SLC9A9: variants seen among roughly 807,000 people sequenced by gnomAD.
SLC9A9 encodes sodium/hydrogen exchanger 9.
A neutral mutation model predicts 77.8 loss-of-function variants in SLC9A9; 62 were observed. That is an observed-to-expected ratio of 0.80 (90% CI 0.65 to 0.98). The LOEUF is 0.98. Ranked by LOEUF, SLC9A9 falls within the 50% of genes least tolerant of loss-of-function variation. The pLI is 0.00. For missense variants in SLC9A9, 775 were observed against 774.9 expected, an observed-to-expected ratio of 1.00 and a Z score of 0.00; for synonymous variants, 320 against 283.5, an observed-to-expected ratio of 1.13 and a Z score of -1.29.
chr3:143,739,755 A>G (rs1306605135), intron 4 of SLC9A9, among the ~76,000 whole-genome samples: 1 of 152,192 alleles, frequency 6.6e-6, no homozygotes, highest in Non-Finnish European at 1.5e-5. Flanking sequence ...CTGAACAACT[A>G]GACCAGTGGT....
intron 12 of SLC9A9, among the ~76,000 whole-genome samples, chr3:143,399,306 A>G (rs988463158): frequency 6.6e-6 from 1 of 152,160 alleles, no homozygotes; most frequent in Non-Finnish European, 1.5e-5. Context: ...CTAGAAAAAT[A>G]ATGTTTTTCT....
intron 7 of SLC9A9, among the ~76,000 whole-genome samples, chr3:143,575,890 C>A (rs2037349861): frequency 6.6e-6 from 1 of 152,072 alleles, no homozygotes; most frequent in African/African-American, 2.4e-5. Context: ...GCATTTATCT[C>A]CTTCATAGCC....
chr3:143,424,329 C>T (rs1307321958), intron 12 of SLC9A9, among the ~76,000 whole-genome samples: 3 of 151,418 alleles, frequency 2.0e-5, no homozygotes, highest in South Asian at 2.1e-4. Context: ...TGCAGTAGCA[C>T]GATCTCAGCT....
chr3:143,672,075 G>A (rs921425583), intron 5 of SLC9A9, among the ~76,000 whole-genome samples: 8 of 152,090 alleles, frequency 5.3e-5, no homozygotes, highest in African/African-American at 1.9e-4. Context: ...TTTATAATAT[G>A]GCATAAAACC....
chr3:143,410,534 C>T (rs986462492), intron 12 of SLC9A9, among the ~76,000 whole-genome samples: 1 of 152,210 alleles, frequency 6.6e-6, no homozygotes, highest in Non-Finnish European at 1.5e-5. Context: ...GATCATTTCA[C>T]TTCCAAAACA....
chr3:143,844,709 TTCTCTTTCTTTCTTTCTTTCTTTC>T (rs2009784948), intron 1 of SLC9A9, among the ~76,000 whole-genome samples: 1 of 148,950 alleles, frequency 6.7e-6, no homozygotes, highest in African/African-American at 2.5e-5. Context: ...TTAACTTTCT[TTCTCTTTCTTTCTTTCTTTCTTTC>T]TTTCTTTCTT....
Position 143,449,561 on chromosome 3 carries a change from AATATAATTATAATT to A in SLC9A9, c.1469+17462_1469+17475del, listed in dbSNP as rs1361850479. 9.3e-4 allele frequency among the ~76,000 whole-genome samples: 36 copies of A among 38,544 alleles called. 5 individuals are homozygous for A. Among genetic ancestry groups the A allele is most frequent in the Admixed American group, 1.6e-3 (3 of 1,904 alleles). 25.3% of individuals were successfully genotyped at this position (38,544 alleles called of 152,430 possible). ...ATAATTATATAAAATAATTATATAAAATATAATTATAATTATATAATTATATAAAATATAATTAT... is the reference window on the plus strand; with the variant it reads ...ATAATTATATAAAATAATTATATAAAATATAATTATATAAAATATAATTAT... On this transcript the variant is annotated intron_variant, in intron 12 of 15. Transcript: ENST00000316549.
chr3:143,717,850 C>T (rs187906456), intron 4 of SLC9A9, among the ~76,000 whole-genome samples: 5,214 of 152,136 alleles, frequency 0.034, 290 homozygotes, highest in African/African-American at 0.12. Flanking sequence ...CAAGTCCATA[C>T]ACACAAAAAA....
chr3:143,495,185 T>C, intron 10 of SLC9A9, 150 bp downstream of exon 10: 1 of 630,446 alleles, frequency 1.6e-6, no homozygotes, highest in Non-Finnish European at 2.8e-6. Flanking sequence ...GATGTTTTCC[T>C]CCCCTAACTA....
chr3:143,582,269 T>G (rs34973048), intron 6 of SLC9A9, among the ~76,000 whole-genome samples: 71,545 of 152,056 alleles, frequency 0.47, 18,203 homozygotes, highest in African/African-American at 0.68. Context: ...TTCAGAATCA[T>G]TTACCTCATC....
chr3:143,599,758 C>G (rs1320013649), intron 6 of SLC9A9, among the ~76,000 whole-genome samples: 2 of 152,054 alleles, frequency 1.3e-5, no homozygotes, highest in Non-Finnish European at 2.9e-5. Flanking sequence ...ATAATTACAA[C>G]AAACAAAAAT....
chr3:143,734,715 A>G (rs1158206091), intron 4 of SLC9A9, among the ~76,000 whole-genome samples: 1 of 148,472 alleles, frequency 6.7e-6, no homozygotes, highest in African/African-American at 2.5e-5. Flanking sequence ...GCCTGGCAAC[A>G]GAGCAAGACT....
chr3:143,769,771 T>C (rs2007453854), intron 4 of SLC9A9, among the ~76,000 whole-genome samples: 1 of 152,144 alleles, frequency 6.6e-6, no homozygotes. Context: ...GAGCATATGC[T>C]CTGGCTGCTA....
rs79995489 is a variant in SLC9A9, at chr3:143,699,227, C to T, written c.534-5920G>A. On this transcript the variant is annotated intron_variant, in intron 4 of 15. Transcript: ENST00000316549. ...ATTAATAATATACATAATTCCTATT[C>T]TAAAAGACTTTTTATTTTGAGATAG... Among the ~76,000 whole-genome samples the T allele has an allele frequency of 6.1e-3, 936 of 152,200 alleles. 12 individuals are homozygous for T. The highest frequency in any genetic ancestry group is 0.021 in the African/African-American group (881 of 41,520).
At chr3:143,616,519 G>T (rs555333476) in intron 6 of SLC9A9, among the ~76,000 whole-genome samples, 1 of 152,252 alleles carries the variant, frequency 6.6e-6, no homozygotes, top group East Asian at 1.9e-4. Flanking sequence ...ATTAAAAAGG[G>T]TTAACCTATA....
At chr3:143,290,865 C>T (rs2029924341) in intron 14 of SLC9A9, among the ~76,000 whole-genome samples, 1 of 152,176 alleles carries the variant, frequency 6.6e-6, no homozygotes, top group Admixed American at 6.5e-5. Context: ...ACTATGGAAC[C>T]TACTTTGAGA....
At chr3:143,778,400 G>A (rs530538121) in intron 4 of SLC9A9, among the ~76,000 whole-genome samples, 176 of 152,248 alleles carry the variant, frequency 1.2e-3, no homozygotes, top group Middle Eastern at 0.01. Flanking sequence ...TTTAACTGAA[G>A]TCCCATTTAG....
At chr3:143,731,104 A>AAG (rs2108810069) in intron 4 of SLC9A9, among the ~76,000 whole-genome samples, 1 of 152,296 alleles carries the variant, frequency 6.6e-6, no homozygotes, top group Admixed American at 6.5e-5. Context: ...AGAAGCCCTC[A>AAG]AGAGACATCC....
At chr3:143,577,360 T>C (rs1399618276) in intron 7 of SLC9A9, among the ~76,000 whole-genome samples, 1 of 152,180 alleles carries the variant, frequency 6.6e-6, no homozygotes, top group Non-Finnish European at 1.5e-5. Context: ...AGTCTTCGCC[T>C]CCTGAATCAC....
Sources: gnomAD v4.1 joint callset for allele counts (sites outside exome capture counted in the v4.1 genomes callset) on GRCh38, gnomAD v4.1.1 for gene constraint, MANE v1.5 for transcripts, NCBI Gene and HGNC (gene_info 2026-07-23, HGNC 2026-07-21) for gene names.